REC114: variants seen among roughly 807,000 people sequenced by gnomAD.
REC114 encodes the protein REC114 meiotic recombination protein.
Under a neutral mutation model 31.3 loss-of-function variants are expected in REC114, and 27 were observed. That is an observed-to-expected ratio of 0.86 (90% CI 0.64 to 1.19). The LOEUF is 1.19. REC114 is among the 50% of genes most tolerant of loss of function. REC114 has a pLI of 0.00. For synonymous variants in REC114, 134 were observed against 127.7 expected, an observed-to-expected ratio of 1.05 and a Z score of -0.33; for missense variants, 344 against 326.9, an observed-to-expected ratio of 1.05 and a Z score of -0.40.
chr15:73,474,933 G>C (rs986288942), intron 2 of REC114, among the ~76,000 whole-genome samples: 12 of 152,080 alleles, frequency 7.9e-5, no homozygotes, highest in African/African-American at 2.9e-4. Flanking sequence ...TGTATTCCTC[G>C]TGACTTTTAA....
chr15:73,485,081 C>G (rs1595867082), intron 2 of REC114, among the ~76,000 whole-genome samples: 1 of 152,100 alleles, frequency 6.6e-6, no homozygotes, highest in South Asian at 2.1e-4. Flanking sequence ...TTATTCATAC[C>G]ATTAAACTAT....
intron 1 of REC114, among the ~76,000 whole-genome samples, chr15:73,460,249 C>T (rs749711758): frequency 5.3e-5 from 8 of 152,088 alleles, no homozygotes; most frequent in African/African-American, 1.7e-4. Context: ...GGACAAATAA[C>T]TGAAGTTTTT....
At chr15:73,488,181 A>G (rs1893399183) in intron 2 of REC114, among the ~76,000 whole-genome samples, 1 of 152,196 alleles carries the variant, frequency 6.6e-6, no homozygotes, top group South Asian at 2.1e-4. Flanking sequence ...TCTGCCCTCA[A>G]GGCTCTGGCA....
intron 2 of REC114, among the ~76,000 whole-genome samples, chr15:73,509,216 T>C (rs932181459): frequency 3.3e-5 from 5 of 151,840 alleles, no homozygotes; most frequent in African/African-American, 1.2e-4. Context: ...CATTTTTTCA[T>C]GTGTTTTTTG....
At chr15:73,470,908 T>C (rs1187839631) in intron 1 of REC114, among the ~76,000 whole-genome samples, 8 of 152,156 alleles carry the variant, frequency 5.3e-5, no homozygotes, top group Non-Finnish European at 1.0e-4. Flanking sequence ...TAATAATCAG[T>C]GTGCCTAGTG....
chr15:73,555,873 G>T (rs1334132246), intron 4 of REC114, among the ~76,000 whole-genome samples: 2 of 152,198 alleles, frequency 1.3e-5, no homozygotes, highest in African/African-American at 4.8e-5. Flanking sequence ...CAATGAACAT[G>T]TATTACTTGA....
At chr15:73,509,935 G>C (rs953139897) in intron 2 of REC114, among the ~76,000 whole-genome samples, 2,027 of 151,496 alleles carry the variant, frequency 0.013, 51 homozygotes, top group African/African-American at 0.046. Flanking sequence ...GCTCTTTTTT[G>C]GTTCCATATG....
chr15:73,501,451 G>C (rs988563637), intron 2 of REC114, among the ~76,000 whole-genome samples: 1 of 152,066 alleles, frequency 6.6e-6, no homozygotes, highest in African/African-American at 2.4e-5. Context: ...AGCAGCAGCA[G>C]CATTATTATT....
intron 2 of REC114, among the ~76,000 whole-genome samples, chr15:73,510,181 G>A (rs994479898): frequency 2.0e-5 from 3 of 152,014 alleles, no homozygotes; most frequent in Admixed American, 1.3e-4. Context: ...TGGATTCCTA[G>A]GTATTTTATT....
At chr15:73,507,737 A>G (rs1280227510) in intron 2 of REC114, among the ~76,000 whole-genome samples, 1 of 152,242 alleles carries the variant, frequency 6.6e-6, no homozygotes, top group Admixed American at 6.5e-5. Context: ...TTTAGAGCAC[A>G]GAATGACAAA....
chr15:73,479,822 T>G (rs953684659), intron 2 of REC114, among the ~76,000 whole-genome samples: 1 of 152,210 alleles, frequency 6.6e-6, no homozygotes, highest in African/African-American at 2.4e-5. Context: ...TAACAATTTT[T>G]TATCCACTTA....
chr15:73,559,909 G>C lies in REC114; in HGVS notation c.794G>C (p.Arg265Thr). Residue 265 changes from arginine to threonine, a missense_variant, in exon 6 of 6, where the codon AGA (arginine) becomes ACA (threonine). Physicochemically the swap from Arg to Thr is moderately conservative, Grantham distance 71. Transcript: ENST00000331090. Reference protein sequence around the residue: ...EKELKKLAGLRN With the variant: ...EKELKKLAGLTN ...GAACTGAAAAAGCTGGCGGGTTTGA[G>C]AAATTAATGCTCTATATACATATAT... is the stretch of plus-strand genomic sequence containing the variant. 1 of 1,610,714 alleles carries C rather than the reference G, an allele frequency of 6.2e-7. No individual in the cohort carries two copies. Among genetic ancestry groups the C allele is most frequent in the Non-Finnish European group, 8.5e-7 (1 of 1,178,892 alleles).
chr15:73,526,682 A>G (rs1185688701), intron 2 of REC114, among the ~76,000 whole-genome samples: 2 of 152,064 alleles, frequency 1.3e-5, no homozygotes, highest in Admixed American at 6.5e-5. Flanking sequence ...TGCTAATTTT[A>G]TCATCTCTTA....
chr15:73,538,951 A>G (rs1438893082), intron 2 of REC114, among the ~76,000 whole-genome samples: 1 of 151,648 alleles, frequency 6.6e-6, no homozygotes, highest in African/African-American at 2.4e-5. Flanking sequence ...CACTTCATAC[A>G]TGGGCAGGTT....
At chr15:73,483,717 G>A (rs1471247131) in intron 2 of REC114, 1 of 152,380 alleles carries the variant, frequency 6.6e-6, no homozygotes, top group African/African-American at 2.4e-5. Flanking sequence ...CTCAATTCCA[G>A]GGATGGTCTG....
intron 2 of REC114, among the ~76,000 whole-genome samples, chr15:73,519,999 G>T (rs1268883167): frequency 1.3e-5 from 2 of 152,152 alleles, no homozygotes; most frequent in Non-Finnish European, 2.9e-5. Context: ...TATTTGATGG[G>T]TATAGAATAT....
intron 2 of REC114, among the ~76,000 whole-genome samples, chr15:73,531,042 C>T (rs1449810143): frequency 6.6e-6 from 1 of 152,094 alleles, no homozygotes; most frequent in African/African-American, 2.4e-5. Flanking sequence ...TTGTCATTTT[C>T]ATAAAAATAA....
intron 2 of REC114, among the ~76,000 whole-genome samples, chr15:73,492,532 G>A (rs902910440): frequency 3.9e-5 from 6 of 152,108 alleles, no homozygotes; most frequent in Non-Finnish European, 8.8e-5. Context: ...ATAGGGCAGC[G>A]CTTCTCAAAC....
intron 1 of REC114, among the ~76,000 whole-genome samples, chr15:73,452,320 A>T (rs1345483716): frequency 6.6e-6 from 1 of 152,240 alleles, no homozygotes; most frequent in Non-Finnish European, 1.5e-5. Flanking sequence ...AAAAATCACA[A>T]GCATTCCTAT....
Sources: gnomAD v4.1 joint callset for allele counts (sites outside exome capture counted in the v4.1 genomes callset) on GRCh38, gnomAD v4.1.1 for gene constraint, MANE v1.5 for transcripts, NCBI Gene and HGNC (gene_info 2026-07-23, HGNC 2026-07-21) for gene names.